KCNIP4: variants seen among roughly 807,000 people sequenced by gnomAD.
KCNIP4 encodes the protein potassium voltage-gated channel interacting protein 4, also known as Kv channel-interacting protein 4.
KCNIP4 carries 12 observed loss-of-function variants against 34.0 expected under a neutral mutation model. The ratio of observed to expected loss-of-function variants is 0.35; its 90% CI spans 0.23 to 0.57. KCNIP4 has a LOEUF of 0.57. KCNIP4 is among the 20% of genes least tolerant of loss of function. The probability of loss-of-function intolerance (pLI) is 0.83; values close to 1 mark genes in which losing one functional copy is unlikely to be tolerated. For synonymous variants in KCNIP4, 124 were observed against 102.2 expected (o/e 1.21, Z -1.29); for missense variants, 238 against 311.7 (o/e 0.76, Z 1.78).
intron 1 of KCNIP4, among the ~76,000 whole-genome samples, chr4:20,931,736 T>C (rs1409273832): frequency 1.3e-5 from 2 of 151,854 alleles, no homozygotes; most frequent in East Asian, 1.9e-4. Flanking sequence ...AAAAAGAAGG[T>C]CAAATATGCA....
chr4:20,764,022 G>A (rs1385123585), intron 3 of KCNIP4, among the ~76,000 whole-genome samples: 1 of 152,168 alleles, frequency 6.6e-6, no homozygotes, highest in Non-Finnish European at 1.5e-5. Context: ...GATCCAAGAA[G>A]CAGTAGGGTT....
At chr4:21,437,188 G>A (rs533465406) in intron 1 of KCNIP4, among the ~76,000 whole-genome samples, 19 of 152,158 alleles carry the variant, frequency 1.2e-4, no homozygotes, top group African/African-American at 4.6e-4. Context: ...AAAAGCAGAA[G>A]GTAATTGACT....
At chr4:21,349,568 A>G (rs1409776815) in intron 1 of KCNIP4, among the ~76,000 whole-genome samples, 1 of 152,156 alleles carries the variant, frequency 6.6e-6, no homozygotes, top group Non-Finnish European at 1.5e-5. Context: ...GCACCATAGA[A>G]GGCATTTAAT....
At chr4:21,633,832 GA>G (rs1745928606) in intron 1 of KCNIP4, among the ~76,000 whole-genome samples, 2 of 151,538 alleles carry the variant, frequency 1.3e-5, no homozygotes, top group East Asian at 1.9e-4. Context: ...TATTGTTTTT[GA>G]AAAAAATGTA....
At chr4:21,546,703 G>A (rs1738182096) in intron 1 of KCNIP4, among the ~76,000 whole-genome samples, 1 of 152,080 alleles carries the variant, frequency 6.6e-6, no homozygotes, top group Non-Finnish European at 1.5e-5. Context: ...GTTGTGGAAT[G>A]TCTGAGTCTA....
rs1713448070 is a variant in KCNIP4 at position 21,708,280 on chromosome 4, T to C, written c.61+240291A>G. ...TCACTGGAGCTCATCCACTTAATTG[T>C]ATTTACACTCTTACCCATTTTTTCT... On this transcript the variant is annotated intron_variant, in intron 1 of 8. Coordinates refer to ENST00000382152, the MANE Select transcript of KCNIP4 (RefSeq NM_025221.6). Among the ~76,000 whole-genome samples, 3 of 152,274 alleles carry C rather than the reference T, an allele frequency of 2.0e-5. No homozygotes were observed. In the South Asian group the frequency reaches 6.2e-4, roughly 32 times the overall value.
At chr4:21,179,134 T>C (rs566407047) in intron 1 of KCNIP4, among the ~76,000 whole-genome samples, 59 of 152,302 alleles carry the variant, frequency 3.9e-4, no homozygotes, top group Admixed American at 2.7e-3. Context: ...ATATTTTCTA[T>C]TATCTTTCCT....
Position 21,498,565 on chromosome 4 carries a change from A to T in KCNIP4, c.61+450006T>A, listed in dbSNP as rs149459191. On this transcript the variant is annotated intron_variant, in intron 1 of 8. Coordinates refer to ENST00000382152, the MANE Select transcript of KCNIP4 (RefSeq NM_025221.6). ...TGATGGATAAATACACAAGGTCATG[A>T]GCAGTCCTTAGATATGCTAATGCAA... Among the ~76,000 whole-genome samples the T allele has an allele frequency of 1.3e-4, 20 of 152,362 alleles. No individual in the cohort carries two copies. The East Asian group carries it at 3.5e-3, about 26-fold the overall frequency.
intron 4 of KCNIP4, 63 bp from the exon 5 acceptor site, chr4:20,749,795 T>C (rs1177866124): frequency 1.8e-6 from 2 of 1,098,832 alleles, no homozygotes; most frequent in South Asian, 1.4e-5. Flanking sequence ...AAGACTTGGA[T>C]AGCAGTCCAA....
chr4:21,221,476 T>C (rs1050983332), intron 1 of KCNIP4, among the ~76,000 whole-genome samples: 1 of 152,026 alleles, frequency 6.6e-6, no homozygotes, highest in Non-Finnish European at 1.5e-5. Context: ...CACAAAGCAG[T>C]AGGAGGGACA....
intron 1 of KCNIP4, among the ~76,000 whole-genome samples, chr4:20,934,687 G>A (rs557386202): frequency 1.3e-5 from 2 of 152,220 alleles, no homozygotes; most frequent in Non-Finnish European, 2.9e-5. Flanking sequence ...TTCTAGTGAG[G>A]AGAAATAAAC....
chr4:20,754,760 T>A (rs1754219357), intron 4 of KCNIP4, among the ~76,000 whole-genome samples: 1 of 152,236 alleles, frequency 6.6e-6, no homozygotes, highest in South Asian at 2.1e-4. Flanking sequence ...GTGCTCTGTT[T>A]AAGAAGATGT....
intron 1 of KCNIP4, among the ~76,000 whole-genome samples, chr4:21,190,491 C>CT (rs1755549569): frequency 9.3e-6 from 1 of 107,676 alleles, no homozygotes; most frequent in African/African-American, 3.5e-5. Flanking sequence ...TTCATTGTTT[C>CT]TTTTTGCGAG....
chr4:21,680,577 T>G (rs567656922), intron 1 of KCNIP4, among the ~76,000 whole-genome samples: 227 of 152,340 alleles, frequency 1.5e-3, no homozygotes, highest in African/African-American at 5.3e-3. Flanking sequence ...ATGACAGTTA[T>G]AGCCTTATGA....
rs1384271606 is a variant in KCNIP4, at chr4:21,105,889, G to T, written c.62-223180C>A. Reference sequence around the variant, plus strand: ...TTGTCTTTGGTTCTGTTTATATGCTGGATTACATTTATTGATTTGCATATA... The same window carrying T: ...TTGTCTTTGGTTCTGTTTATATGCTTGATTACATTTATTGATTTGCATATA... On this transcript the variant is annotated intron_variant, in intron 1 of 8. Transcript: ENST00000382152. Among the ~76,000 whole-genome samples, 3 of 151,466 alleles carry T rather than the reference G, an allele frequency of 2.0e-5. 1 individual carries two copies. Among genetic ancestry groups the T allele is most frequent in the African/African-American group, 7.3e-5 (3 of 40,840 alleles).
chr4:20,870,940 G>A (rs1177303038), intron 2 of KCNIP4, among the ~76,000 whole-genome samples: 1 of 152,038 alleles, frequency 6.6e-6, no homozygotes, highest in South Asian at 2.1e-4. Context: ...CAGAGGAGAG[G>A]CCTCCTGAGA....
intron 1 of KCNIP4, among the ~76,000 whole-genome samples, chr4:21,534,210 G>A (rs558016636): frequency 6.6e-6 from 1 of 152,252 alleles, no homozygotes; most frequent in Admixed American, 6.5e-5. Context: ...TATATCAAAT[G>A]TTAGCTCTAA....
chr4:21,094,829 A>G (rs1169329587), intron 1 of KCNIP4, among the ~76,000 whole-genome samples: 1 of 152,134 alleles, frequency 6.6e-6, no homozygotes, highest in Non-Finnish European at 1.5e-5. Context: ...GCCTACATCT[A>G]CTTGATTATT....
chr4:20,942,832 C>CAG (rs1482642657), intron 1 of KCNIP4, among the ~76,000 whole-genome samples: 1 of 151,790 alleles, frequency 6.6e-6, no homozygotes, highest in Admixed American at 6.6e-5. Flanking sequence ...CCACCATGCC[C>CAG]AGCTAATTTT....
Sources: gnomAD v4.1 joint callset for allele counts (sites outside exome capture counted in the v4.1 genomes callset) on GRCh38, gnomAD v4.1.1 for gene constraint, MANE v1.5 for transcripts, NCBI Gene and HGNC (gene_info 2026-07-23, HGNC 2026-07-21) for gene names.